Variants in BTG4 observed in about 807,000 individuals in gnomAD.
BTG4 encodes the protein protein BTG4.
BTG4 carries 10 observed loss-of-function variants against 19.3 expected under a neutral mutation model. That is an observed-to-expected ratio of 0.52 (90% CI 0.32 to 0.88). The LOEUF (loss-of-function observed/expected upper bound fraction) is 0.88, where lower values mean the gene tolerates loss of function less well. Ranked by LOEUF, BTG4 falls within the 40% of genes least tolerant of loss-of-function variation. The pLI is 0.04. For missense variants in BTG4, 238 were observed against 281.9 expected (o/e 0.84, Z 1.11); for synonymous variants, 91 against 95.7 (o/e 0.95, Z 0.29).
chr11:111,384,866 A>G, the BTG4 span: 4 of 152,172 alleles, frequency 2.6e-5, no homozygotes, highest in African/African-American at 9.6e-5. Flanking sequence ...AACACCATTT[A>G]TATTATATTT....
upstream of BTG4, chr11:111,512,980 G>A (rs1591550039): frequency 2.1e-6 from 1 of 471,540 alleles, no homozygotes; most frequent in Non-Finnish European, 4.4e-6. Flanking sequence ...TTGTACTGTG[G>A]TGGTTACAAT....
At chr11:111,470,565 C>T (rs955488578) in intron 5 of BTG4, among the ~76,000 whole-genome samples, 13 of 152,140 alleles carry the variant, frequency 8.5e-5, no homozygotes, top group African/African-American at 2.9e-4. Context: ...CATGTTTACC[C>T]AAACTTATGG....
At chr11:111,421,702 C>G in the BTG4 span, among the ~76,000 whole-genome samples, 19 of 152,180 alleles carry the variant, frequency 1.2e-4, no homozygotes, top group African/African-American at 4.1e-4. Context: ...ATCACAAGGT[C>G]AGGAGTTCAA....
At chr11:111,503,547 T>A (rs537369129) in intron 1 of BTG4, among the ~76,000 whole-genome samples, 140 of 152,296 alleles carry the variant, frequency 9.2e-4, no homozygotes, top group Non-Finnish European at 1.7e-3. Flanking sequence ...AAATGTCCAG[T>A]GAACTATCCA....
the BTG4 span, among the ~76,000 whole-genome samples, chr11:111,402,599 G>A: frequency 1.2e-4 from 19 of 152,104 alleles, no homozygotes; most frequent in Admixed American, 6.5e-4. Flanking sequence ...ATATTTGTTC[G>A]ATGGATGAAT....
intron 1 of BTG4, among the ~76,000 whole-genome samples, chr11:111,500,028 G>A (rs1188017863): frequency 6.6e-6 from 1 of 152,018 alleles, no homozygotes; most frequent in Non-Finnish European, 1.5e-5. Flanking sequence ...TGTAGTCCCA[G>A]CTACTCAGGA....
the BTG4 span, among the ~76,000 whole-genome samples, chr11:111,402,330 T>C: frequency 6.6e-6 from 1 of 152,228 alleles, no homozygotes; most frequent in Non-Finnish European, 1.5e-5. Context: ...ATGTCTTTAT[T>C]AGCAGTGTGA....
At chr11:111,447,510 CT>C in the BTG4 span, among the ~76,000 whole-genome samples, 1 of 152,226 alleles carries the variant, frequency 6.6e-6, no homozygotes, top group Admixed American at 6.5e-5. Context: ...ATCTGGCTGG[CT>C]TTGCCTTGCA....
At chr11:111,505,734 A>G (rs1866407412) in intron 1 of BTG4, among the ~76,000 whole-genome samples, 1 of 152,158 alleles carries the variant, frequency 6.6e-6, no homozygotes, top group Admixed American at 6.6e-5. Context: ...TACCTCCAAC[A>G]AAGAATTAGT....
At chr11:111,436,423 CA>C in the BTG4 span, among the ~76,000 whole-genome samples, 1 of 152,102 alleles carries the variant, frequency 6.6e-6, no homozygotes, top group African/African-American at 2.4e-5. Context: ...GTCAGGAGTT[CA>C]AGACTAGCCT....
the BTG4 span, among the ~76,000 whole-genome samples, chr11:111,456,122 T>C: frequency 2.0e-4 from 31 of 152,166 alleles, no homozygotes; most frequent in Admixed American, 1.8e-3. This position sits in a 1 kb window ranked among gnomAD's most constrained non-coding sequence, Gnocchi z 4.2. Context: ...TGGCAAGTCA[T>C]AGCTTTATAG....
chr11:111,487,540 ATC>A (rs1324413532), intron 5 of BTG4, among the ~76,000 whole-genome samples: 3 of 152,296 alleles, frequency 2.0e-5, no homozygotes, highest in Admixed American at 6.5e-5. Flanking sequence ...TTTCTCTAAG[ATC>A]TGGAACAAGA....
intron 4 of BTG4, among the ~76,000 whole-genome samples, chr11:111,496,065 A>G (rs746004425): frequency 6.6e-6 from 1 of 152,208 alleles, no homozygotes; most frequent in Non-Finnish European, 1.5e-5. Context: ...AGAACCTACA[A>G]TAATACATTA....
the BTG4 span, among the ~76,000 whole-genome samples, chr11:111,445,352 G>T: frequency 2.0e-5 from 3 of 152,312 alleles, no homozygotes; most frequent in East Asian, 5.8e-4. Context: ...TCACAGCAAA[G>T]CCTCCAGCAT....
chr11:111,476,658 T>C (rs1864415342), intron 5 of BTG4, among the ~76,000 whole-genome samples: 1 of 152,134 alleles, frequency 6.6e-6, no homozygotes, highest in Non-Finnish European at 1.5e-5. Flanking sequence ...ACCTCATTAG[T>C]TACCATTTTG....
chr11:111,511,576 G>A (rs977850896), intron 1 of BTG4, among the ~76,000 whole-genome samples: 2 of 152,206 alleles, frequency 1.3e-5, no homozygotes, highest in African/African-American at 4.8e-5. Context: ...TTCTAGGGGA[G>A]GCTGCTTCCA....
Position 111,497,604 on chromosome 11 carries a change from A to G in BTG4, c.312-195T>C, listed in dbSNP as rs559561503. Among the ~76,000 whole-genome samples, 4 of 152,238 alleles carry G rather than the reference A, an allele frequency of 2.6e-5. No homozygotes were observed. The East Asian group carries it at 5.8e-4, about 22-fold the overall frequency. ...AGAGCTATTTTGGTTAATTGTTCAG[A>G]AAAAAACAAAGACTAGTTTCTTTTG... On this transcript the variant is annotated intron_variant, in intron 3 of 4. Coordinates refer to ENST00000692032, the MANE Select transcript of BTG4 (RefSeq NM_001367975.1).
chr11:111,409,192 G>A, the BTG4 span, among the ~76,000 whole-genome samples: 147,891 of 152,210 alleles, frequency 0.97, 72,030 homozygotes, highest in East Asian at 1. Flanking sequence ...AAATTTAAAA[G>A]TCACCCCTTT....
the BTG4 span, among the ~76,000 whole-genome samples, chr11:111,427,924 C>T: frequency 6.6e-6 from 1 of 152,114 alleles, no homozygotes; most frequent in African/African-American, 2.4e-5. Context: ...CCCCCCACCC[C>T]GAACATTAGA....
Sources: gnomAD v4.1 joint callset for allele counts (sites outside exome capture counted in the v4.1 genomes callset) on GRCh38, gnomAD v4.1.1 for gene constraint, Gnocchi (gnomAD v3.1) non-coding constraint, MANE v1.5 for transcripts, NCBI Gene and HGNC (gene_info 2026-07-23, HGNC 2026-07-21) for gene names.